Variants in ASCC3 observed in about 807,000 individuals in gnomAD.
ASCC3 encodes the protein activating signal cointegrator 1 complex subunit 3.
ASCC3 carries 158 observed loss-of-function variants against 256.3 expected under a neutral mutation model. That is an observed-to-expected ratio of 0.62 (90% CI 0.54 to 0.70). ASCC3 has a LOEUF of 0.70. Ranked by LOEUF, ASCC3 falls within the 30% of genes least tolerant of loss-of-function variation. The pLI is 0.00. For synonymous variants in ASCC3, 948 were observed against 883.4 expected (o/e 1.07, Z -1.30); for missense variants, 2,259 against 2,626.0 (o/e 0.86, Z 3.05).
chr6:100,866,044 A>ACTGAAACCT (rs2114551142), intron 2 of ASCC3, among the ~76,000 whole-genome samples: 1 of 152,144 alleles, frequency 6.6e-6, no homozygotes, highest in African/African-American at 2.4e-5. Flanking sequence ...ATCTCAGCTC[A>ACTGAAACCT]CTGAAACCTC....
chr6:100,762,919 A>G (rs1169606045), intron 10 of ASCC3, among the ~76,000 whole-genome samples: 1 of 152,192 alleles, frequency 6.6e-6, no homozygotes, highest in African/African-American at 2.4e-5. Context: ...AAGATTAACA[A>G]TACGGAGAAA....
chr6:100,756,056 T>A (rs1781165618), intron 10 of ASCC3, among the ~76,000 whole-genome samples: 2 of 152,034 alleles, frequency 1.3e-5, no homozygotes, highest in African/African-American at 2.4e-5. Context: ...ATTGTTGGAA[T>A]ACAATACAAA....
In ASCC3 at chr6:100,760,872, A is replaced by G. The variant is rs545599576; in HGVS notation, c.1737+5693T>C. ...GGATAATAACAAAAGATCTATTCCC[A>G]TCAGCAAAATCCAAAAAGTAAAGGA... On this transcript the variant is annotated intron_variant, in intron 10 of 41. Transcript: ENST00000369162. 2.0e-5 allele frequency among the ~76,000 whole-genome samples: 3 copies of G among 152,300 alleles called. No homozygotes were observed. The South Asian group carries it at 6.2e-4, about 32-fold the overall frequency.
At chr6:100,564,668 G>C (rs1770136672) in intron 36 of ASCC3, among the ~76,000 whole-genome samples, 1 of 152,066 alleles carries the variant, frequency 6.6e-6, no homozygotes, top group Admixed American at 6.6e-5. Context: ...TAATTATCAT[G>C]GTTCCTCTTG....
intron 36 of ASCC3, among the ~76,000 whole-genome samples, chr6:100,566,435 C>T (rs1006083340): frequency 2.6e-5 from 4 of 152,152 alleles, no homozygotes; most frequent in African/African-American, 9.7e-5. Flanking sequence ...AATGTATTAA[C>T]GGCTTTTACC....
intron 4 of ASCC3, 91 bp from the exon 5 acceptor site, chr6:100,805,971 G>T: frequency 1.6e-6 from 2 of 1,261,180 alleles, no homozygotes; most frequent in Non-Finnish European, 1.1e-6. Flanking sequence ...GAGGTGTAAA[G>T]CCAAACTAAT....
At position 100,659,528 on chromosome 6, in the gene ASCC3, G is replaced by A. The variant is rs1776083878; in HGVS notation, c.2703+2278C>T. On this transcript the variant is annotated intron_variant, in intron 16 of 41. Transcript: ENST00000369162. Reference sequence around the variant, plus strand: ...ATCACTAAATGGAATTATGCTTATAGCTAGCTGACATTCCTGAAAATCACA... The same window carrying A: ...ATCACTAAATGGAATTATGCTTATAACTAGCTGACATTCCTGAAAATCACA... 2.0e-5 allele frequency among the ~76,000 whole-genome samples: 3 copies of A among 151,338 alleles called. No homozygotes were observed. In the South Asian group the frequency reaches 6.2e-4, roughly 31 times the overall value.
intron 36 of ASCC3, among the ~76,000 whole-genome samples, chr6:100,581,344 A>AT (rs1463200759): frequency 1.3e-5 from 2 of 151,862 alleles, no homozygotes; most frequent in Non-Finnish European, 2.9e-5. Context: ...GATGGTGAGC[A>AT]TTTTTTCATG....
intron 13 of ASCC3, among the ~76,000 whole-genome samples, chr6:100,684,228 C>T (rs1777448595): frequency 6.6e-6 from 1 of 152,174 alleles, no homozygotes; most frequent in Non-Finnish European, 1.5e-5. Flanking sequence ...TTAATCTCTT[C>T]AATTCTTATT....
At chr6:100,543,271 T>A (rs975519337) in intron 36 of ASCC3, among the ~76,000 whole-genome samples, 2 of 152,174 alleles carry the variant, frequency 1.3e-5, no homozygotes, top group Non-Finnish European at 2.9e-5. Flanking sequence ...GTTTGGGGAA[T>A]AATGGCAACA....
At position 100,631,541 on chromosome 6, in the gene ASCC3, C is replaced by T. The variant is rs557111495; in HGVS notation, c.4123-328G>A. Among the ~76,000 whole-genome samples the T allele has an allele frequency of 3.3e-5, 5 of 151,612 alleles. No individual in the cohort carries two copies. In the South Asian group the frequency reaches 6.3e-4, roughly 19 times the overall value. On this transcript the variant is annotated intron_variant, in intron 25 of 41. Transcript: ENST00000369162. ...GAAATTATATTCTACATAATAAAAA[C>T]AAAACAAATTATGAGATAATACACT...
intron 36 of ASCC3, among the ~76,000 whole-genome samples, chr6:100,555,602 A>G (rs1769531301): frequency 6.6e-6 from 1 of 152,224 alleles, no homozygotes; most frequent in Non-Finnish European, 1.5e-5. Flanking sequence ...TCTATTTCCC[A>G]GGATTTATAG....
intron 14 of ASCC3, among the ~76,000 whole-genome samples, chr6:100,670,155 A>G (rs1408493470): frequency 6.6e-6 from 1 of 152,052 alleles, no homozygotes; most frequent in Admixed American, 6.6e-5. Flanking sequence ...AATGTAAAAA[A>G]TGCTCAGTTT....
chr6:100,821,281 G>T (rs1416981872), intron 4 of ASCC3, among the ~76,000 whole-genome samples: 2 of 152,096 alleles, frequency 1.3e-5, no homozygotes, highest in African/African-American at 4.8e-5. Flanking sequence ...CTCGCAAAGC[G>T]CTGGGATTAT....
rs77214418 is a variant in ASCC3 at position 100,811,892 on chromosome 6, A to G, written c.802-6012T>C. On this transcript the variant is annotated intron_variant, in intron 4 of 41. Transcript: ENST00000369162. The stretch of plus-strand genomic sequence containing the variant: ...CTAAAATCATTCTTTCAAAGGGGCC[A>G]CAGAGTTATTGGATTAGTTTGTAGA... Among the ~76,000 whole-genome samples the G allele has an allele frequency of 2.9e-3, 448 of 152,312 alleles. 3 individuals are homozygous for G. The highest frequency in any genetic ancestry group is 0.01 in the African/African-American group (434 of 41,572).
At position 100,856,597 on chromosome 6, in the gene ASCC3, C is replaced by G. The variant is rs370988841; in HGVS notation, c.241+7467G>C. ...ACTACTTCAAGAATCAGAACATTAT[C>G]AGCTCCCCAGAAACCTCCCTCATAT... On this transcript the variant is annotated intron_variant, in intron 3 of 41. Coordinates refer to ENST00000369162, the MANE Select transcript of ASCC3 (RefSeq NM_006828.4). 1.7e-3 allele frequency: 396 copies of G among 235,518 alleles called. 2 individuals are homozygous for G. The highest frequency in any genetic ancestry group is 8.7e-3 in the African/African-American group (376 of 42,982). 14.6% of individuals were successfully genotyped at this position (235,518 alleles called of 1,614,324 possible). A position where few individuals can be genotyped will look rare whatever the true frequency, so the allele number is the denominator to read the frequency against.
chr6:100,825,972 T>C (rs1771286589), intron 4 of ASCC3, among the ~76,000 whole-genome samples: 1 of 151,988 alleles, frequency 6.6e-6, no homozygotes, highest in Admixed American at 6.6e-5. Flanking sequence ...ACAAAGATTA[T>C]TACCAACCTT....
intron 36 of ASCC3, among the ~76,000 whole-genome samples, chr6:100,570,330 T>A (rs1296903111): frequency 6.6e-6 from 1 of 152,206 alleles, no homozygotes; most frequent in Non-Finnish European, 1.5e-5. Context: ...TAAACAGGAA[T>A]GGTGAGAATG....
chr6:100,679,025 A>G (rs17060869), intron 14 of ASCC3, among the ~76,000 whole-genome samples: 6,469 of 152,274 alleles, frequency 0.042, 242 homozygotes, highest in East Asian at 0.19. Context: ...ACTGTAATGT[A>G]TACAAAATCA....
Sources: gnomAD v4.1 joint callset for allele counts (sites outside exome capture counted in the v4.1 genomes callset) on GRCh38, gnomAD v4.1.1 for gene constraint, MANE v1.5 for transcripts, NCBI Gene and HGNC (gene_info 2026-07-23, HGNC 2026-07-21) for gene names.